PDE1C: variants seen among roughly 807,000 people sequenced by gnomAD.
PDE1C encodes phosphodiesterase 1C, also known as dual specificity calcium/calmodulin-dependent 3',5'-cyclic nucleotide phosphodiesterase 1C.
A neutral mutation model predicts 93.1 loss-of-function variants in PDE1C; 62 were observed. The observed-to-expected ratio is 0.67, with a 90% CI of 0.54 to 0.82. The LOEUF (loss-of-function observed/expected upper bound fraction) is 0.82. PDE1C is among the 40% of genes least tolerant of loss of function. The pLI is 0.00. For synonymous variants in PDE1C, 325 were observed against 310.1 expected, an observed-to-expected ratio of 1.05 and a Z score of -0.50; for missense variants, 742 against 884.6, an observed-to-expected ratio of 0.84 and a Z score of 2.04.
At chr7:32,423,717 AAACC>A (rs3079700) in intron 1 of PDE1C, among the ~76,000 whole-genome samples, 11,432 of 152,298 alleles carry the variant, frequency 0.075, 495 homozygotes, top group Non-Finnish European at 0.095. Context: ...ACGTAGATGG[AAACC>A]AAGAAGCAAT....
chr7:32,082,045 A>G (rs1796696825), intron 3 of PDE1C, among the ~76,000 whole-genome samples: 1 of 152,264 alleles, frequency 6.6e-6, no homozygotes, highest in African/African-American at 2.4e-5. Flanking sequence ...TGCGCGAGCC[A>G]AAGCAGGGCG....
At position 31,753,212 on chromosome 7, in the gene PDE1C, C is replaced by A; in HGVS notation, c.*172G>T. 1.3e-6 allele frequency: 1 copy of A among 797,042 alleles called. No individual in the cohort carries two copies. Among genetic ancestry groups the A allele is most frequent in the East Asian group, 2.7e-5 (1 of 36,700 alleles). The allele number at this position is 797,042 out of a possible 1,614,324, so 49.4% of individuals were successfully genotyped here. A position where few individuals can be genotyped will look rare whatever the true frequency, so the allele number is the denominator to read the frequency against. ...AGCAATTGAAAAGTCTATACAAGAA[C>A]AACAAAGAGGAAAATCACATACAAC... On this transcript the variant is annotated 3_prime_UTR_variant, in exon 18 of 18. Transcript: ENST00000396191.
At chr7:31,692,290 C>T in the PDE1C span, 2 of 601,956 alleles carry the variant, frequency 3.3e-6, no homozygotes, top group South Asian at 5.2e-5. Context: ...CATAAAGAAA[C>T]AGGATTGGAT....
chr7:32,150,035 C>T (rs1801144426), intron 3 of PDE1C, among the ~76,000 whole-genome samples: 1 of 152,196 alleles, frequency 6.6e-6, no homozygotes, highest in Non-Finnish European at 1.5e-5. Flanking sequence ...CAAGAAAGAT[C>T]ATCCCTCTTT....
chr7:32,144,140 A>G (rs1800689054), intron 3 of PDE1C, among the ~76,000 whole-genome samples: 1 of 152,214 alleles, frequency 6.6e-6, no homozygotes, highest in Non-Finnish European at 1.5e-5. Flanking sequence ...AAAGGAACTC[A>G]TGGTGACTTA....
the PDE1C span, chr7:31,707,094 C>T: frequency 1.1e-6 from 1 of 931,212 alleles, no homozygotes. Flanking sequence ...ACCTTGTAGA[C>T]ACTAAGAGGT....
chr7:31,621,685 T>G, the PDE1C span, among the ~76,000 whole-genome samples: 2,233 of 128,426 alleles, frequency 0.017, 21 homozygotes, highest in Middle Eastern at 0.026. Flanking sequence ...AGACTAGCAA[T>G]AAACTGCATC....
chr7:31,626,346 C>T, the PDE1C span, among the ~76,000 whole-genome samples: 2 of 152,126 alleles, frequency 1.3e-5, no homozygotes, highest in Non-Finnish European at 2.9e-5. Flanking sequence ...ACCTAGTGAC[C>T]ATAATCATGC....
At chr7:31,775,868 G>T (rs1795792089) in intron 16 of PDE1C, 136 bp from the exon 17 acceptor site, 2 of 713,712 alleles carry the variant, frequency 2.8e-6, no homozygotes, top group East Asian at 5.4e-5. Flanking sequence ...AGGTTGCAGG[G>T]TGGTGCATAT....
intron 3 of PDE1C, among the ~76,000 whole-genome samples, chr7:32,128,918 T>A (rs1234343705): frequency 1.3e-4 from 7 of 55,164 alleles, no homozygotes; most frequent in African/African-American, 4.1e-4. Flanking sequence ...TATATATATA[T>A]ATATATATAT....
intron 11 of PDE1C, among the ~76,000 whole-genome samples, chr7:31,831,476 G>GCGCACACACA (rs1554355027): frequency 7.1e-6 from 1 of 141,050 alleles, no homozygotes; most frequent in Non-Finnish European, 1.5e-5. Flanking sequence ...GGAAGTAAAG[G>GCGCACACACA]CACACACACA....
intron 3 of PDE1C, among the ~76,000 whole-genome samples, chr7:32,128,847 T>C (rs974527393): frequency 7.1e-6 from 1 of 141,538 alleles, no homozygotes; most frequent in Admixed American, 7.2e-5. Context: ...CATTAAACAA[T>C]ATGTATCACA....
chr7:31,920,086 T>C (rs1275610588), intron 2 of PDE1C, among the ~76,000 whole-genome samples: 1 of 152,144 alleles, frequency 6.6e-6, no homozygotes, highest in African/African-American at 2.4e-5. Flanking sequence ...AAGCCTGACC[T>C]GGAGATCAAC....
rs62456029 is a variant in PDE1C at position 31,893,085 on chromosome 7, G to A, written c.129-12225C>T. On this transcript the variant is annotated intron_variant, in intron 2 of 17. Coordinates refer to ENST00000396191, the MANE Select transcript of PDE1C (RefSeq NM_001191057.4). ...TAAATTTTAAAAATAAATAAGAGTCGATTCCATAAAAAAATGAAAGGAATG... is the reference window on the plus strand; with the variant it reads ...TAAATTTTAAAAATAAATAAGAGTCAATTCCATAAAAAAATGAAAGGAATG... Among the ~76,000 whole-genome samples, 1,299 of 152,084 alleles carry A rather than the reference G, an allele frequency of 8.5e-3. 33 individuals carry two copies. The highest frequency in any genetic ancestry group is 0.073 in the East Asian group (379 of 5,168).
chr7:31,635,279 T>C, the PDE1C span, among the ~76,000 whole-genome samples: 1 of 152,210 alleles, frequency 6.6e-6, no homozygotes, highest in Non-Finnish European at 1.5e-5. Flanking sequence ...GAAGGTACTC[T>C]ATAAAGAGAA....
the PDE1C span, among the ~76,000 whole-genome samples, chr7:31,631,175 G>C: frequency 6.6e-6 from 1 of 152,128 alleles, no homozygotes; most frequent in African/African-American, 2.4e-5. Flanking sequence ...TCCAAACTGC[G>C]GAAGAGCAGA....
chr7:31,871,428 C>A (rs1795940964), intron 6 of PDE1C, among the ~76,000 whole-genome samples: 1 of 151,890 alleles, frequency 6.6e-6, no homozygotes, highest in Admixed American at 6.6e-5. Context: ...AAAGAGACAA[C>A]CTGTTAAACA....
intron 3 of PDE1C, among the ~76,000 whole-genome samples, chr7:32,109,708 C>T (rs555225695): frequency 1.3e-5 from 2 of 152,288 alleles, no homozygotes; most frequent in East Asian, 1.9e-4. Flanking sequence ...CACTATTCAA[C>T]AAAGTCTTCA....
chr7:31,924,282 A>G (rs1803049997), intron 2 of PDE1C, among the ~76,000 whole-genome samples: 1 of 152,206 alleles, frequency 6.6e-6, no homozygotes, highest in Non-Finnish European at 1.5e-5. Context: ...GACAATCAAT[A>G]TTTGTTGACT....
Sources: allele counts gnomAD v4.1 joint callset (sites outside exome capture counted in the v4.1 genomes callset), GRCh38; gene constraint gnomAD v4.1.1; transcripts MANE v1.5; gene names NCBI Gene and HGNC (gene_info 2026-07-23, HGNC 2026-07-21).